The following FHOD3 variants were observed in gnomAD, a reference collection of about 807,000 sequenced individuals.
FHOD3 encodes FH1/FH2 domain-containing protein 3.
FHOD3 carries 90 observed loss-of-function variants against 173.0 expected under a neutral mutation model. The ratio of observed to expected loss-of-function variants is 0.52; its 90% confidence interval spans 0.44 to 0.62. FHOD3 has a LOEUF of 0.62. Among genes scored for constraint, FHOD3 ranks in the 20% least tolerant of loss-of-function variants. The probability of loss-of-function intolerance (pLI) is 0.00; values close to 1 mark genes in which losing one functional copy is unlikely to be tolerated. For synonymous variants in FHOD3, 828 were observed against 823.0 expected (o/e 1.01, Z -0.10); for missense variants, 1,945 against 2,034.7 (o/e 0.96, Z 0.85).
At chr18:36,388,080 TGTCTTTGAAA>T (rs1281706423) in intron 3 of FHOD3, among the ~76,000 whole-genome samples, 1 of 151,964 alleles carries the variant, frequency 6.6e-6, no homozygotes. Context: ...CACTTTTGTG[TGTCTTTGAAA>T]GTGTGTTACT....
chr18:36,320,435 A>C (rs973874001), intron 1 of FHOD3, among the ~76,000 whole-genome samples: 3 of 152,234 alleles, frequency 2.0e-5, no homozygotes, highest in African/African-American at 7.2e-5. Flanking sequence ...CTAAACCAGG[A>C]AGAAGTTGAA....
At chr18:36,585,583 C>T (rs1324041622) in intron 6 of FHOD3, among the ~76,000 whole-genome samples, 1 of 151,992 alleles carries the variant, frequency 6.6e-6, no homozygotes, top group East Asian at 1.9e-4. Flanking sequence ...GGTCTCCAGA[C>T]ACAGGGCTAA....
At chr18:36,749,910 G>T (rs1158480480) in intron 24 of FHOD3, among the ~76,000 whole-genome samples, 1 of 150,458 alleles carries the variant, frequency 6.6e-6, no homozygotes, top group Non-Finnish European at 1.5e-5. Flanking sequence ...TTGTGGTTTA[G>T]ATTTGCATTT....
chr18:36,361,863 C>T (rs2046641565), intron 2 of FHOD3, among the ~76,000 whole-genome samples: 1 of 151,984 alleles, frequency 6.6e-6, no homozygotes, highest in Admixed American at 6.6e-5. Flanking sequence ...AGGGGTGGGC[C>T]CAGGCAGAGG....
intron 13 of FHOD3, among the ~76,000 whole-genome samples, chr18:36,657,871 T>C (rs988146282): frequency 6.6e-6 from 1 of 152,248 alleles, no homozygotes; most frequent in African/African-American, 2.4e-5. Flanking sequence ...CTAATGGTTT[T>C]AGACTTTGGG....
intron 3 of FHOD3, among the ~76,000 whole-genome samples, chr18:36,491,318 A>C (rs957874881): frequency 1.3e-5 from 2 of 152,228 alleles, no homozygotes; most frequent in Non-Finnish European, 1.5e-5. Flanking sequence ...ATTTGTTCCC[A>C]TATACCCCCT....
chr18:36,313,110 C>T (rs1417231623), intron 1 of FHOD3, among the ~76,000 whole-genome samples: 3 of 152,174 alleles, frequency 2.0e-5, no homozygotes, highest in African/African-American at 7.2e-5. Flanking sequence ...TCTTATGTGG[C>T]AGCTCCAGGC....
chr18:36,409,441 C>T (rs2049238724), intron 3 of FHOD3, among the ~76,000 whole-genome samples: 1 of 152,168 alleles, frequency 6.6e-6, no homozygotes, highest in Non-Finnish European at 1.5e-5. Context: ...CAACTCAGTG[C>T]TCCTTCCCCC....
At chr18:36,639,529 G>A (rs889058389) in intron 10 of FHOD3, among the ~76,000 whole-genome samples, 6 of 152,208 alleles carry the variant, frequency 3.9e-5, no homozygotes, top group Admixed American at 6.5e-5. Flanking sequence ...CGGGCGTGGT[G>A]GCGGGTGCCT....
At chr18:36,690,523 T>C (rs553142329) in intron 16 of FHOD3, among the ~76,000 whole-genome samples, 11 of 152,236 alleles carry the variant, frequency 7.2e-5, no homozygotes, top group Admixed American at 7.2e-4. Context: ...GGTCATGACA[T>C]AGGTCCAGCT....
intron 1 of FHOD3, among the ~76,000 whole-genome samples, chr18:36,325,057 A>G (rs955746135): frequency 3.9e-5 from 6 of 152,246 alleles, no homozygotes; most frequent in Non-Finnish European, 8.8e-5. Context: ...TAGTTGCAAG[A>G]AAGAATCTAG....
intron 1 of FHOD3, among the ~76,000 whole-genome samples, chr18:36,348,552 T>A (rs8095055): frequency 6.6e-6 from 1 of 151,902 alleles, no homozygotes; most frequent in Admixed American, 6.6e-5. Context: ...TGAAAGTGAA[T>A]TTCCATGGAT....
intron 1 of FHOD3, among the ~76,000 whole-genome samples, chr18:36,321,192 G>A (rs2044374913): frequency 6.6e-6 from 1 of 152,002 alleles, no homozygotes; most frequent in Admixed American, 6.6e-5. Flanking sequence ...CGTTCTTCTG[G>A]TGACAGTGAT....
chr18:36,428,128 A>G (rs35275549), intron 3 of FHOD3, among the ~76,000 whole-genome samples: 1,636 of 152,246 alleles, frequency 0.011, 16 homozygotes, highest in Non-Finnish European at 0.013. Flanking sequence ...AGGAACATTG[A>G]TAGCTGTGGT....
At chr18:36,547,957 C>G (rs773612788) in intron 5 of FHOD3, among the ~76,000 whole-genome samples, 2 of 152,146 alleles carry the variant, frequency 1.3e-5, no homozygotes, top group Non-Finnish European at 2.9e-5. Flanking sequence ...CTTTGGGAGG[C>G]CAAAGAAGCG....
intron 3 of FHOD3, among the ~76,000 whole-genome samples, chr18:36,377,411 C>T (rs1568191604): frequency 1.3e-5 from 2 of 152,118 alleles, no homozygotes. Flanking sequence ...TTTCACTTGC[C>T]CCTAGGGTGG....
At chr18:36,402,285 G>A (rs1038095534) in intron 3 of FHOD3, among the ~76,000 whole-genome samples, 2 of 152,110 alleles carry the variant, frequency 1.3e-5, no homozygotes, top group African/African-American at 4.8e-5. Flanking sequence ...CTTGAGCGTA[G>A]CTGGCTCATT....
At chr18:36,500,461 G>A (rs2054973682) in intron 3 of FHOD3, among the ~76,000 whole-genome samples, 1 of 152,198 alleles carries the variant, frequency 6.6e-6, no homozygotes, top group African/African-American at 2.4e-5. Flanking sequence ...GCTCTGCCCT[G>A]TATCCCTTTA....
chr18:36,400,135 T>C (rs996983963), intron 3 of FHOD3, among the ~76,000 whole-genome samples: 2 of 152,212 alleles, frequency 1.3e-5, no homozygotes, highest in African/African-American at 4.8e-5. Flanking sequence ...GTAGAGTTTA[T>C]GGGTAATTTT....
Sources: allele counts gnomAD v4.1 joint callset (sites outside exome capture counted in the v4.1 genomes callset), GRCh38; gene constraint gnomAD v4.1.1; transcripts MANE v1.5; gene names NCBI Gene and HGNC (gene_info 2026-07-23, HGNC 2026-07-21).